The following PDE10A variants were observed in gnomAD, a reference collection of about 807,000 sequenced individuals.
PDE10A encodes the protein cAMP and cAMP-inhibited cGMP 3',5'-cyclic phosphodiesterase 10A.
PDE10A carries 39 observed loss-of-function variants against 97.7 expected under a neutral mutation model. The ratio of observed to expected loss-of-function variants is 0.40; its 90% CI spans 0.31 to 0.52. The LOEUF (loss-of-function observed/expected upper bound fraction) is 0.52. Ranked by LOEUF, PDE10A falls within the 20% of genes least tolerant of loss-of-function variation. The pLI is 0.56. For synonymous variants in PDE10A, 371 were observed against 376.8 expected, an observed-to-expected ratio of 0.98 and a Z score of 0.18; for missense variants, 731 against 1,047.8, an observed-to-expected ratio of 0.70 and a Z score of 4.17.
intron 5 of PDE10A, among the ~76,000 whole-genome samples, chr6:165,445,676 T>G (rs1481909034): frequency 1.3e-5 from 2 of 152,228 alleles, no homozygotes; most frequent in Non-Finnish European, 2.9e-5. Context: ...TAATTGTGCA[T>G]CATGTGGATT....
intron 19 of PDE10A, 131 bp from the exon 20 acceptor site, chr6:165,339,489 G>T (rs1031026520): frequency 3.2e-6 from 2 of 633,548 alleles, no homozygotes; most frequent in Non-Finnish European, 5.6e-6. Context: ...GTTAACCCAA[G>T]AAAAGTACAT....
At chr6:165,368,526 C>T (rs989084259) in intron 18 of PDE10A, among the ~76,000 whole-genome samples, 1 of 151,988 alleles carries the variant, frequency 6.6e-6, no homozygotes, top group Non-Finnish European at 1.5e-5. Context: ...TCAGGAACAA[C>T]CACTTGAAAA....
At chr6:165,562,573 C>T (rs1285249363) in intron 1 of PDE10A, among the ~76,000 whole-genome samples, 1 of 152,140 alleles carries the variant, frequency 6.6e-6, no homozygotes, top group Admixed American at 6.5e-5. Flanking sequence ...CCTAGTCCTA[C>T]CACTTTCTTC....
intron 1 of PDE10A, among the ~76,000 whole-genome samples, chr6:165,614,513 C>A (rs1787637122): frequency 6.6e-6 from 1 of 152,186 alleles, no homozygotes; most frequent in Non-Finnish European, 1.5e-5. Flanking sequence ...TACCCTCCTG[C>A]AATGCTATCT....
chr6:165,350,729 C>A (rs960544748), intron 18 of PDE10A, among the ~76,000 whole-genome samples: 1 of 152,200 alleles, frequency 6.6e-6, no homozygotes, highest in East Asian at 1.9e-4. Flanking sequence ...AACATGGGGG[C>A]AGTTTCCCCA....
rs568824383 is a variant in PDE10A at position 165,817,854 on chromosome 6, C to T, written c.-615+169675G>A. On this transcript the variant is annotated intron_variant, in intron 1 of 19. Transcript: ENST00000366882. ...GGATTTGGTGGCAAACAAGGTCCTA[C>T]GCATCCAATTCTTAAGTGCGGTAGA... Among the ~76,000 whole-genome samples the T allele has an allele frequency of 1.8e-4, 27 of 152,284 alleles. No homozygotes were observed. In the South Asian group the frequency reaches 1.9e-3, roughly 11 times the overall value.
chr6:165,738,057 A>T (rs1792624792), intron 1 of PDE10A, among the ~76,000 whole-genome samples: 2 of 151,526 alleles, frequency 1.3e-5, no homozygotes, highest in South Asian at 4.2e-4. Context: ...ACATGTGCAC[A>T]TTGTGCAGGT....
intron 2 of PDE10A, among the ~76,000 whole-genome samples, chr6:165,492,489 G>T (rs183074585): frequency 3.9e-5 from 6 of 152,234 alleles, no homozygotes; most frequent in Admixed American, 1.3e-4. Context: ...ATGTTAAAAA[G>T]ATAATCCTCC....
intron 1 of PDE10A, among the ~76,000 whole-genome samples, chr6:165,804,465 C>G (rs1197613520): frequency 6.6e-6 from 1 of 152,144 alleles, no homozygotes; most frequent in Non-Finnish European, 1.5e-5. Flanking sequence ...ATGTTCACGT[C>G]CTTGTATTGT....
chr6:165,426,462 AT>A (rs764453925), intron 10 of PDE10A, among the ~76,000 whole-genome samples: 5 of 152,188 alleles, frequency 3.3e-5, no homozygotes, highest in African/African-American at 4.8e-5. Flanking sequence ...CAAACATCAT[AT>A]ACAAAAGTTA....
At chr6:165,582,054 G>C in intron 1 of PDE10A, among the ~76,000 whole-genome samples, 1 of 152,240 alleles carries the variant, frequency 6.6e-6, no homozygotes, top group South Asian at 2.1e-4. Flanking sequence ...CAAGACCATG[G>C]TCCCCGCTTT....
intron 1 of PDE10A, among the ~76,000 whole-genome samples, chr6:165,823,241 A>G (rs1035265711): frequency 4.2e-5 from 6 of 144,164 alleles, no homozygotes; most frequent in Non-Finnish European, 9.1e-5. Flanking sequence ...TTCTTATTCT[A>G]TAAGCTTTTT....
At chr6:165,847,776 T>C (rs1469982389) in intron 1 of PDE10A, among the ~76,000 whole-genome samples, 2 of 152,128 alleles carry the variant, frequency 1.3e-5, no homozygotes, top group African/African-American at 2.4e-5. Flanking sequence ...ATTTGTGTAG[T>C]TCTCAAAGAG....
intron 13 of PDE10A, among the ~76,000 whole-genome samples, chr6:165,411,883 ACTTTTG>A (rs1269623187): frequency 1.3e-5 from 2 of 152,172 alleles, no homozygotes; most frequent in African/African-American, 4.8e-5. Context: ...TATTTTTGCA[ACTTTTG>A]CTTTTGTCTG....
chr6:165,798,137 C>T (rs1364538302), intron 1 of PDE10A, among the ~76,000 whole-genome samples: 1 of 152,184 alleles, frequency 6.6e-6, no homozygotes, highest in East Asian at 1.9e-4. Context: ...ATCATATTAG[C>T]TTTTAATGCT....
chr6:165,335,181 A>T (rs1177488995), intron 21 of PDE10A, among the ~76,000 whole-genome samples: 2 of 152,264 alleles, frequency 1.3e-5, no homozygotes, highest in Admixed American at 1.3e-4. Flanking sequence ...AAAAAGGATA[A>T]GAATGGAATA....
Position 165,430,318 on chromosome 6 carries a change from C to T in PDE10A, c.1570G>A (p.Glu524Lys). 1 of 1,609,182 alleles carries T rather than the reference C, an allele frequency of 6.2e-7. No individual in the cohort carries two copies. Among genetic ancestry groups the T allele is most frequent in the East Asian group, 2.2e-5 (1 of 44,748 alleles). Residue 524 changes from glutamate (E) to lysine (K), a missense_variant, in exon 9 of 22, where the codon GAA becomes AAA. Glu to Lys is a moderately conservative substitution (Grantham distance 56). Coordinates refer to ENST00000539869, the MANE Select transcript of PDE10A (RefSeq NM_001385079.1). ...QVCRGLAKQT[E>K]LNDFLLDVSK... ...ACGTCGAGTAGGAAGTCATTCAATT[C>T]TGTCTGTTTGGCAAGGCCTCTGCAT...
At chr6:165,678,674 G>A (rs1056762383) in intron 1 of PDE10A, among the ~76,000 whole-genome samples, 2 of 152,060 alleles carry the variant, frequency 1.3e-5, no homozygotes, top group African/African-American at 2.4e-5. Flanking sequence ...CTCTCCCTGC[G>A]CTGGATCACA....
At chr6:165,779,060 A>G (rs934809814) in intron 1 of PDE10A, among the ~76,000 whole-genome samples, 2 of 152,214 alleles carry the variant, frequency 1.3e-5, no homozygotes, top group African/African-American at 4.8e-5. Context: ...TTTTATGGGT[A>G]GTGCTTTTAG....
Sources: gnomAD v4.1 joint callset for allele counts (sites outside exome capture counted in the v4.1 genomes callset) on GRCh38, gnomAD v4.1.1 for gene constraint, MANE v1.5 for transcripts, NCBI Gene and HGNC (gene_info 2026-07-23, HGNC 2026-07-21) for gene names.